The following R3HDM1 variants were observed in gnomAD, a reference collection of about 807,000 sequenced individuals.
R3HDM1 encodes the protein R3H domain containing 1.
Under a neutral mutation model 141.1 loss-of-function variants are expected in R3HDM1, and 46 were observed. The ratio of observed to expected loss-of-function variants is 0.33; its 90% confidence interval spans 0.26 to 0.42. The LOEUF (loss-of-function observed/expected upper bound fraction) is 0.42, where lower values mean the gene tolerates loss of function less well. Among genes scored for constraint, R3HDM1 ranks in the 10% least tolerant of loss-of-function variants. The pLI, the probability that R3HDM1 is intolerant of heterozygous loss-of-function variation, is 1.00. For missense variants in R3HDM1, 1,184 were observed against 1,368.3 expected, an observed-to-expected ratio of 0.87 and a Z score of 2.12; for synonymous variants, 435 against 472.9, an observed-to-expected ratio of 0.92 and a Z score of 1.04.
chr2:135,649,630 TC>T (rs1292798066), intron 16 of R3HDM1, among the ~76,000 whole-genome samples: 4 of 152,184 alleles, frequency 2.6e-5, no homozygotes, highest in Non-Finnish European at 5.9e-5. Context: ...AGTCACCTGT[TC>T]CCGTTAATCT....
intron 21 of R3HDM1, among the ~76,000 whole-genome samples, chr2:135,690,966 A>G (rs2072281549): frequency 6.6e-6 from 1 of 152,208 alleles, no homozygotes. Flanking sequence ...TTTATCCATA[A>G]TTGATCACAC....
chr2:135,685,182 A>T (rs1455879347), intron 21 of R3HDM1, among the ~76,000 whole-genome samples: 1 of 152,112 alleles, frequency 6.6e-6, no homozygotes, highest in Non-Finnish European at 1.5e-5. Context: ...ATATTATGTC[A>T]TCCTGGCAGT....
rs756229350 is a variant in R3HDM1 at position 135,651,781 on chromosome 2, T to TCTG, written c.1781_1783dup (p.Ala594dup). The TCTG allele has an allele frequency of 2.5e-6, 4 of 1,614,036 alleles. No individual in the cohort carries two copies. The South Asian group carries it at 3.3e-5, about 13-fold the overall frequency. ...CCACATGAGTCTTGCTCGCCAGCCA[T>TCTG]CTGCTGATGGTTCTGACCCTCATGC... On this transcript the variant is annotated inframe_insertion, in exon 18 of 27. Coordinates refer to ENST00000683871, the MANE Select transcript of R3HDM1 (RefSeq NM_001378107.1).
rs1575225406 is a variant in R3HDM1, at chr2:135,715,640, G to A, written c.2827G>A (p.Gly943Arg). 1.2e-6 allele frequency: 2 copies of A among 1,613,750 alleles called. No homozygotes were observed. The highest frequency in any genetic ancestry group is 1.7e-6 in the Non-Finnish European group (2 of 1,179,826). ...CACCCTGAAAACTGTACGTCCCTCT[G>A]GACCACCACTTTCCATCATGCCCCA... ...LSTLKTVRPSGPPLSIMPQFS... is the reference protein window; with the variant it reads ...LSTLKTVRPSRPPLSIMPQFS... Residue 943 changes from glycine to arginine, a missense_variant, in exon 24 of 27, where the codon GGA becomes AGA. By Grantham distance (125) the Gly-to-Arg change is moderately radical (BLOSUM62 -2). Transcript: ENST00000683871.
chr2:135,577,137 A>C, intron 1 of R3HDM1: 2 of 973,236 alleles, frequency 2.1e-6, no homozygotes, highest in African/African-American at 3.5e-5. Context: ...TTCTTATTTA[A>C]CCTTTGTGTA....
chr2:135,614,872 G>T (rs932466487), intron 3 of R3HDM1, among the ~76,000 whole-genome samples: 4 of 151,440 alleles, frequency 2.6e-5, no homozygotes, highest in Non-Finnish European at 4.4e-5. Flanking sequence ...CTAGATGGTA[G>T]TACAATTTAT....
At chr2:135,660,660 A>G (rs2066576082) in intron 18 of R3HDM1, among the ~76,000 whole-genome samples, 1 of 152,122 alleles carries the variant, frequency 6.6e-6, no homozygotes, top group Admixed American at 6.6e-5. Flanking sequence ...AGCCTGGCCA[A>G]CGTGGTGAAA....
intron 20 of R3HDM1, among the ~76,000 whole-genome samples, chr2:135,679,918 A>G (rs2069935995): frequency 6.6e-6 from 1 of 152,104 alleles, no homozygotes; most frequent in East Asian, 1.9e-4. Context: ...CATCTCTACT[A>G]AAAATACAAA....
intron 17 of R3HDM1, 105 bp from the exon 18 acceptor site, chr2:135,651,625 T>C: frequency 2.1e-6 from 3 of 1,403,682 alleles, no homozygotes; most frequent in Non-Finnish European, 2.8e-6. Flanking sequence ...ATAATTTCCA[T>C]AATGTGTACT....
At position 135,645,476 on chromosome 2, in the gene R3HDM1, A is replaced by G. The variant is rs764174391; in HGVS notation, c.1572A>G (p.Pro524=). 4.3e-6 allele frequency: 7 copies of G among 1,614,080 alleles called. No homozygotes were observed. Among genetic ancestry groups the G allele is most frequent in the Non-Finnish European group, 5.1e-6 (6 of 1,180,000 alleles). The part of the protein sequence containing the change: ...VRSQVPGPPQ[P]PLPAPPQQPA... ...CCCAAGTGCCTGGACCTCCACAGCC[A>G]CCTCTGCCAGCCCCACCTCAACAAC... The change falls in exon 16 of 27, where the codon CCA becomes CCG. Residue 524 remains proline (P), a synonymous_variant. Transcript: ENST00000683871.
At chr2:135,695,773 A>G (rs2073149042) in intron 21 of R3HDM1, among the ~76,000 whole-genome samples, 1 of 152,220 alleles carries the variant, frequency 6.6e-6, no homozygotes, top group Non-Finnish European at 1.5e-5. Context: ...TCAGAAACAG[A>G]GATTTCAAAC....
At chr2:135,539,464 A>C (rs1397536628) in intron 1 of R3HDM1, among the ~76,000 whole-genome samples, 1 of 152,208 alleles carries the variant, frequency 6.6e-6, no homozygotes, top group African/African-American at 2.4e-5. Context: ...TCATTTATGC[A>C]GTCCATTGTT....
intron 1 of R3HDM1, among the ~76,000 whole-genome samples, chr2:135,547,898 C>T (rs1214105449): frequency 6.6e-6 from 1 of 151,588 alleles, no homozygotes; most frequent in South Asian, 2.1e-4. Context: ...CTCAGCCTCC[C>T]GAGTAGCTGG....
intron 7 of R3HDM1, among the ~76,000 whole-genome samples, chr2:135,623,253 A>T (rs1015762545): frequency 4.3e-4 from 65 of 152,316 alleles, no homozygotes; most frequent in African/African-American, 1.3e-3. Context: ...GGCAACTCAT[A>T]AGCACTTTGA....
intron 16 of R3HDM1, among the ~76,000 whole-genome samples, chr2:135,646,238 C>T (rs915266818): frequency 1.3e-5 from 2 of 151,352 alleles, no homozygotes; most frequent in Non-Finnish European, 2.9e-5. Context: ...TGGGTTCACA[C>T]CATTCTCCTG....
intron 7 of R3HDM1, 150 bp downstream of exon 7, chr2:135,622,882 G>A (rs536444478): frequency 7.4e-7 from 1 of 1,351,392 alleles, no homozygotes; most frequent in African/African-American, 1.5e-5. Context: ...CAAAGATGTT[G>A]TTGGTCTAGT....
At chr2:135,705,504 G>C (rs1436839295) in intron 21 of R3HDM1, among the ~76,000 whole-genome samples, 2 of 152,078 alleles carry the variant, frequency 1.3e-5, no homozygotes, top group Admixed American at 1.3e-4. Flanking sequence ...ATTAAGCAGT[G>C]GTGGGCGCTT....
At chr2:135,645,205 CCTCATG>C in intron 15 of R3HDM1, 168 bp from the exon 16 acceptor site, 3 of 513,608 alleles carry the variant, frequency 5.8e-6, no homozygotes, top group African/African-American at 2.8e-5. Flanking sequence ...CTATTAATAG[CCTCATG>C]TCAGAGCAGG....
intron 21 of R3HDM1, among the ~76,000 whole-genome samples, chr2:135,706,455 G>A (rs2074938080): frequency 6.6e-6 from 1 of 151,896 alleles, no homozygotes. Context: ...TAGGACAGTA[G>A]TGGAGGGAAG....
Sources: allele counts gnomAD v4.1 joint callset (sites outside exome capture counted in the v4.1 genomes callset), GRCh38; gene constraint gnomAD v4.1.1; transcripts MANE v1.5; gene names NCBI Gene and HGNC (gene_info 2026-07-23, HGNC 2026-07-21).